SLC4A4: variants seen among roughly 807,000 people sequenced by gnomAD.
SLC4A4 encodes electrogenic sodium bicarbonate cotransporter 1.
In SLC4A4, 27 loss-of-function variants were observed where a neutral mutation model predicts 111.5. The ratio of observed to expected loss-of-function variants is 0.24; its 90% CI spans 0.18 to 0.33. SLC4A4 has a LOEUF of 0.33. Among genes scored for constraint, SLC4A4 ranks in the 10% least tolerant of loss-of-function variants. The pLI is 1.00. For synonymous variants in SLC4A4, 443 were observed against 463.4 expected, an observed-to-expected ratio of 0.96 and a Z score of 0.57; for missense variants, 909 against 1,315.5, an observed-to-expected ratio of 0.69 and a Z score of 4.78.
intron 2 of SLC4A4, among the ~76,000 whole-genome samples, chr4:71,147,713 C>T (rs971051580): frequency 2.0e-5 from 3 of 152,084 alleles, no homozygotes; most frequent in Admixed American, 6.6e-5. Flanking sequence ...TAGGATCTCA[C>T]GGTTGTCCAG....
intron 3 of SLC4A4, among the ~76,000 whole-genome samples, chr4:71,271,241 A>G (rs1425576286): frequency 6.6e-6 from 1 of 152,244 alleles, no homozygotes; most frequent in Non-Finnish European, 1.5e-5. Context: ...GGATATTTAG[A>G]GGTTATTATT....
chr4:71,544,824 T>C (rs1234894533), intron 18 of SLC4A4, among the ~76,000 whole-genome samples: 1 of 152,026 alleles, frequency 6.6e-6, no homozygotes, highest in Non-Finnish European at 1.5e-5. Flanking sequence ...TTATTTATGG[T>C]ATTCATTGTT....
intron 1 of SLC4A4, among the ~76,000 whole-genome samples, chr4:71,213,104 G>A (rs1408834925): frequency 6.6e-6 from 1 of 152,146 alleles, no homozygotes; most frequent in African/African-American, 2.4e-5. Flanking sequence ...GTTTGTGTGA[G>A]AACCTCTCTG....
In SLC4A4 at chr4:71,429,851, T is replaced by C. The variant is rs547059685; in HGVS notation, c.808-10765T>C. 4.6e-5 allele frequency among the ~76,000 whole-genome samples: 7 copies of C among 152,298 alleles called. No individual in the cohort carries two copies. In the South Asian group the frequency reaches 1.4e-3, roughly 32 times the overall value. ...CATTTATTGAGCGATATCAACCTGA[T>C]ATGAAAGCCGTATATTCTATTCTTG... On this transcript the variant is annotated intron_variant, in intron 7 of 25. Coordinates refer to ENST00000264485, the MANE Select transcript of SLC4A4 (RefSeq NM_001098484.3).
At chr4:71,434,264 A>G (rs1203341100) in intron 7 of SLC4A4, 2 of 152,092 alleles carry the variant, frequency 1.3e-5, no homozygotes, top group Non-Finnish European at 2.9e-5. Context: ...TTGTTATTAC[A>G]TACTCTATTT....
rs1453452 is a variant in SLC4A4 at position 71,568,162 on chromosome 4, G to C, written c.*411G>C. On this transcript the variant is annotated 3_prime_UTR_variant, in exon 26 of 26. Transcript: ENST00000264485. ...ATTCTGTCACTCAAGACACAGACAC[G>C]CACAGACCCTGTCCTTTGCCTCTAT... 0.95 allele frequency: 319,804 copies of C among 337,614 alleles called. 152,973 individuals are homozygous for C. Among genetic ancestry groups the C allele is most frequent in the Non-Finnish European group, 0.99 (184,121 of 185,742 alleles). 20.9% of individuals were successfully genotyped at this position (337,614 alleles called of 1,614,324 possible). A position where few individuals can be genotyped will look rare whatever the true frequency, so the allele number is the denominator to read the frequency against.
Position 71,557,767 on chromosome 4 carries a change from T to A in SLC4A4, c.2819T>A (p.Ile940Asn). The A allele has an allele frequency of 6.2e-7, 1 of 1,612,774 alleles. No homozygotes were observed. The highest frequency in any genetic ancestry group is 8.5e-7 in the Non-Finnish European group (1 of 1,179,278). Residue 940 changes from isoleucine to asparagine, a missense_variant, in exon 22 of 26, where the codon ATC becomes AAC. By Grantham distance (149) the Ile-to-Asn change is moderately radical. Transcript: ENST00000264485. ...LMPLKHQPDF[I>N]YLRHVPLRRV... The stretch of plus-strand genomic sequence containing the variant: ...CCTCTGAAGCATCAGCCTGACTTCA[T>A]CTACCTGCGTCATGTTCCTCTGCGC...
chr4:71,073,044 G>A (rs1295588126), intron 1 of SLC4A4, among the ~76,000 whole-genome samples: 3 of 152,110 alleles, frequency 2.0e-5, no homozygotes, highest in Admixed American at 1.3e-4. Flanking sequence ...TGGGATTACA[G>A]GTGTGAGCCA....
At position 71,339,095 on chromosome 4, in the gene SLC4A4, T is replaced by C. The variant is rs201550477; in HGVS notation, c.254-275T>C. On this transcript the variant is annotated intron_variant, in intron 3 of 25. Transcript: ENST00000264485. ...GTTAGACCTCAGCTCATCTGAGGGC[T>C]AAAGGTTCTTTGTGACACATCACAC... The C allele has an allele frequency of 3.1e-6, 5 of 1,596,314 alleles. No individual in the cohort carries two copies. In the East Asian group the frequency reaches 1.1e-4, roughly 36 times the overall value.
intron 1 of SLC4A4, among the ~76,000 whole-genome samples, chr4:71,193,370 A>G (rs1046092848): frequency 7.2e-5 from 11 of 152,178 alleles, no homozygotes; most frequent in African/African-American, 2.4e-4. Context: ...CGTGTTAGCC[A>G]GGATGGTCTC....
rs28609544 is a variant in SLC4A4, at chr4:71,447,921, G to T, written c.1053+188G>T. ...TTGCAAAAAGTAAGGCATGCATTTT[G>T]GTTTTCTATGGGATTCTAAACTCTG... On this transcript the variant is annotated intron_variant, in intron 9 of 25. Transcript: ENST00000264485. 2.6e-3 allele frequency among the ~76,000 whole-genome samples: 391 copies of T among 152,156 alleles called. 3 individuals carry two copies. The highest frequency in any genetic ancestry group is 8.8e-3 in the African/African-American group (364 of 41,502).
Position 71,571,947 on chromosome 4 carries a change from A to G in SLC4A4, c.*4196A>G, listed in dbSNP as rs1055360339. 2.6e-5 allele frequency: 4 copies of G among 152,318 alleles called. No individual in the cohort carries two copies. Among genetic ancestry groups the G allele is most frequent in the African/African-American group, 4.8e-5 (2 of 41,418 alleles). The allele number at this position is 152,318 out of a possible 1,614,324, so 9.4% of individuals were successfully genotyped here. ...TTCCAATATAAATCCTAAAATTCCT[A>G]TAACATAGTATTTTACAGTTTTATG... On this transcript the variant is annotated 3_prime_UTR_variant, in exon 26 of 26. Coordinates refer to ENST00000264485, the MANE Select transcript of SLC4A4 (RefSeq NM_001098484.3).
chr4:71,095,440 G>C (rs543693900), intron 2 of SLC4A4, among the ~76,000 whole-genome samples: 9 of 152,330 alleles, frequency 5.9e-5, no homozygotes, highest in African/African-American at 2.2e-4. Context: ...TAGCAAAAGA[G>C]TTTGCTCCAG....
At chr4:71,561,765 T>C (rs923585814) in intron 23 of SLC4A4, among the ~76,000 whole-genome samples, 1 of 151,772 alleles carries the variant, frequency 6.6e-6, no homozygotes, top group Admixed American at 6.6e-5. Flanking sequence ...TTAATAGAAA[T>C]TAAAATTTGA....
intron 3 of SLC4A4, among the ~76,000 whole-genome samples, chr4:71,309,785 A>G (rs1284523714): frequency 6.6e-6 from 1 of 152,114 alleles, no homozygotes; most frequent in Non-Finnish European, 1.5e-5. Context: ...CCTTCAAATG[A>G]TCGCAACTCC....
At chr4:71,149,890 T>G (rs149828838) in intron 2 of SLC4A4, among the ~76,000 whole-genome samples, 1 of 152,182 alleles carries the variant, frequency 6.6e-6, no homozygotes, top group Non-Finnish European at 1.5e-5. Flanking sequence ...CTAAATCCAA[T>G]TAGCCATCTG....
At chr4:71,368,216 G>A (rs942041679) in intron 6 of SLC4A4, among the ~76,000 whole-genome samples, 11 of 152,138 alleles carry the variant, frequency 7.2e-5, no homozygotes, top group Admixed American at 3.9e-4. Context: ...GAAGTTGATG[G>A]TGTTGTTTCC....
At chr4:71,119,533 C>T (rs1454684558) in intron 2 of SLC4A4, among the ~76,000 whole-genome samples, 1 of 152,154 alleles carries the variant, frequency 6.6e-6, no homozygotes, top group African/African-American at 2.4e-5. Context: ...AGGTGTGTGC[C>T]ACCATGGTCA....
chr4:71,083,133 G>T (rs1000626808), intron 1 of SLC4A4, among the ~76,000 whole-genome samples: 1 of 151,996 alleles, frequency 6.6e-6, no homozygotes. Flanking sequence ...GATTGCAGGC[G>T]TGAGCCACCA....
Sources: gnomAD v4.1 joint callset for allele counts (sites outside exome capture counted in the v4.1 genomes callset) on GRCh38, gnomAD v4.1.1 for gene constraint, MANE v1.5 for transcripts, NCBI Gene and HGNC (gene_info 2026-07-23, HGNC 2026-07-21) for gene names.